KLHL18: variants seen among roughly 807,000 people sequenced by gnomAD.
The protein encoded by KLHL18 is kelch-like protein 18.
A neutral mutation model predicts 58.5 loss-of-function variants in KLHL18; 38 were observed. The observed-to-expected ratio is 0.65, with a 90% CI of 0.50 to 0.85. The LOEUF is 0.85. KLHL18 is among the 40% of genes least tolerant of loss of function. The pLI is 0.00. For missense variants in KLHL18, 624 were observed against 778.4 expected (o/e 0.80, Z 2.36); for synonymous variants, 303 against 301.9 (o/e 1.00, Z -0.04).
intron 2 of KLHL18, among the ~76,000 whole-genome samples, chr3:47,320,971 A>AG (rs1703571659): frequency 6.6e-6 from 1 of 152,158 alleles, no homozygotes; most frequent in Non-Finnish European, 1.5e-5. Context: ...CGTAGAAGTA[A>AG]GGTGTCCAAG....
At chr3:47,305,899 C>T (rs1703137308) in intron 1 of KLHL18, among the ~76,000 whole-genome samples, 4 of 152,030 alleles carry the variant, frequency 2.6e-5, no homozygotes, top group African/African-American at 7.2e-5. Context: ...TAGTATTCTC[C>T]TGTTATCATT....
At chr3:47,328,896 C>T (rs1008883129) in intron 3 of KLHL18, among the ~76,000 whole-genome samples, 3 of 151,868 alleles carry the variant, frequency 2.0e-5, no homozygotes, top group Admixed American at 6.6e-5. Context: ...TTTGGGAGGC[C>T]GAGGCAGGTG....
chr3:47,287,977 C>T (rs1395577032), intron 1 of KLHL18, among the ~76,000 whole-genome samples: 4 of 152,054 alleles, frequency 2.6e-5, no homozygotes, highest in South Asian at 2.1e-4. Context: ...GATCCCAGCA[C>T]TGTGGGAGGC....
At chr3:47,294,307 G>A (rs1702852081) in intron 1 of KLHL18, among the ~76,000 whole-genome samples, 1 of 152,182 alleles carries the variant, frequency 6.6e-6, no homozygotes, top group African/African-American at 2.4e-5. Context: ...GCCAAGTACT[G>A]TTCTAGGTGC....
intron 3 of KLHL18, among the ~76,000 whole-genome samples, chr3:47,329,043 C>T (rs764761011): frequency 5.3e-5 from 8 of 151,562 alleles, no homozygotes; most frequent in Non-Finnish European, 7.4e-5. Context: ...GCAGGAGGAT[C>T]GCTTGAGCCC....
Position 47,342,798 on chromosome 3 carries a change from G to A in KLHL18, c.1306G>A (p.Gly436Ser), listed in dbSNP as rs1169664354. 1.9e-6 allele frequency: 3 copies of A among 1,614,094 alleles called. No individual in the cohort carries two copies. The highest frequency in any genetic ancestry group is 2.5e-6 in the Non-Finnish European group (3 of 1,180,036). The change falls in exon 9 of 10, where the codon GGC becomes AGC. Residue 436 changes from glycine to serine, a missense_variant. Transcript: ENST00000232766. Reference sequence around the variant, plus strand: ...CTTTGAGGGCAGGATATATGTGTCAGGCGGCCATGATGGTTTGCAGATCTT... The same window carrying A: ...CTTTGAGGGCAGGATATATGTGTCAAGCGGCCATGATGGTTTGCAGATCTT... ...TVFEGRIYVS[G>S]GHDGLQIFSS...
At position 47,331,551 on chromosome 3, in the gene KLHL18, G is replaced by C. The variant is rs560944849; in HGVS notation, c.600+1402G>C. 2.0e-5 allele frequency among the ~76,000 whole-genome samples: 3 copies of C among 146,920 alleles called. No homozygotes were observed. The South Asian group carries it at 6.6e-4, about 32-fold the overall frequency. On this transcript the variant is annotated intron_variant, in intron 4 of 9. Coordinates refer to ENST00000232766, the MANE Select transcript of KLHL18 (RefSeq NM_025010.5). Reference sequence around the variant, plus strand: ...AGGTTCAAGCATTTCTCCTGCCTCAGCTTCCCAAGTAGCTGGGATTACAGG... The same window carrying C: ...AGGTTCAAGCATTTCTCCTGCCTCACCTTCCCAAGTAGCTGGGATTACAGG...
chr3:47,282,953 G>A lies in KLHL18; in HGVS notation c.-13G>A, dbSNP rs41290660. Reference sequence around the variant, plus strand: ...GGCCGGCGAGGCCTGCGCAGTTGCAGCGGCCGGGGAAGATGGTGGAGGACG... The same window carrying A: ...GGCCGGCGAGGCCTGCGCAGTTGCAACGGCCGGGGAAGATGGTGGAGGACG... On this transcript the variant is annotated 5_prime_UTR_variant, in exon 1 of 10. Coordinates refer to ENST00000232766, the MANE Select transcript of KLHL18 (RefSeq NM_025010.5). The A allele has an allele frequency of 6.2e-7, 1 of 1,606,408 alleles. No homozygotes were observed. The highest frequency in any genetic ancestry group is 8.5e-7 in the Non-Finnish European group (1 of 1,177,126).
intron 1 of KLHL18, among the ~76,000 whole-genome samples, chr3:47,290,958 G>A (rs984518655): frequency 6.6e-6 from 1 of 152,222 alleles, no homozygotes; most frequent in African/African-American, 2.4e-5. Context: ...TGACATGTGG[G>A]TGGGGAAAGA....
chr3:47,295,661 G>T (rs569383974), intron 1 of KLHL18, among the ~76,000 whole-genome samples: 12 of 151,658 alleles, frequency 7.9e-5, no homozygotes, highest in African/African-American at 2.7e-4. Flanking sequence ...TCGAATTCCT[G>T]GGCTCAAGTG....
intron 1 of KLHL18, among the ~76,000 whole-genome samples, chr3:47,289,592 AG>A (rs764411666): frequency 5.9e-5 from 9 of 152,188 alleles, no homozygotes; most frequent in Non-Finnish European, 1.2e-4. Flanking sequence ...TGAGTTACAC[AG>A]GGTTAATTAT....
At chr3:47,319,369 G>A (rs1007945069) in intron 1 of KLHL18, among the ~76,000 whole-genome samples, 5 of 152,214 alleles carry the variant, frequency 3.3e-5, no homozygotes, top group South Asian at 2.1e-4. Flanking sequence ...AAGTAAAAAC[G>A]ATTACATGAA....
intron 1 of KLHL18, among the ~76,000 whole-genome samples, chr3:47,309,711 T>C (rs932378451): frequency 6.6e-6 from 1 of 152,160 alleles, no homozygotes; most frequent in African/African-American, 2.4e-5. Context: ...CTGGGCAACA[T>C]TGAGCACTGA....
chr3:47,339,266 G>A (rs1490523212), intron 7 of KLHL18, among the ~76,000 whole-genome samples: 5 of 151,958 alleles, frequency 3.3e-5, no homozygotes, highest in Non-Finnish European at 5.9e-5. Flanking sequence ...AGGCTAAGGC[G>A]GGAGGATTGC....
chr3:47,295,652 C>T (rs1156885191), intron 1 of KLHL18, among the ~76,000 whole-genome samples: 2 of 151,976 alleles, frequency 1.3e-5, no homozygotes, highest in Non-Finnish European at 2.9e-5. Context: ...ATTGTAACCT[C>T]GAATTCCTGG....
chr3:47,285,483 A>C (rs529915757), intron 1 of KLHL18, among the ~76,000 whole-genome samples: 1 of 151,568 alleles, frequency 6.6e-6, no homozygotes, highest in Non-Finnish European at 1.5e-5. Flanking sequence ...TTGGAAGGCC[A>C]AGGCGAGTGG....
chr3:47,334,914 T>G lies in KLHL18; in HGVS notation c.898+95T>G. ...GCCTGGCCCTTCTGGTTTCTCTGTTTTGTACTGTCACCACCCTTGCCCCTC... is the reference window on the plus strand; with the variant it reads ...GCCTGGCCCTTCTGGTTTCTCTGTTGTGTACTGTCACCACCCTTGCCCCTC... On this transcript the variant is annotated intron_variant, in intron 6 of 9. Coordinates refer to ENST00000232766, the MANE Select transcript of KLHL18 (RefSeq NM_025010.5). This position sits in a 1 kb window ranked among gnomAD's most constrained non-coding sequence, Gnocchi z 4.7. 7.6e-7 allele frequency: 1 copy of G among 1,321,004 alleles called. No individual in the cohort carries two copies. The highest frequency in any genetic ancestry group is 1.0e-6 in the Non-Finnish European group (1 of 954,988). 81.8% of individuals were successfully genotyped at this position (1,321,004 alleles called of 1,614,324 possible). A position where few individuals can be genotyped will look rare whatever the true frequency, so the allele number is the denominator to read the frequency against.
chr3:47,291,793 A>G (rs1463137652), intron 1 of KLHL18, among the ~76,000 whole-genome samples: 1 of 152,262 alleles, frequency 6.6e-6, no homozygotes, highest in Admixed American at 6.5e-5. Context: ...AATGAACCGG[A>G]AGTGAAAAAA....
intron 1 of KLHL18, among the ~76,000 whole-genome samples, chr3:47,312,599 G>T (rs1703327487): frequency 6.6e-6 from 1 of 152,150 alleles, no homozygotes; most frequent in African/African-American, 2.4e-5. Context: ...GCATGGGCCT[G>T]TGTAATTCTA....
Sources: gnomAD v4.1 joint callset for allele counts (sites outside exome capture counted in the v4.1 genomes callset) on GRCh38, gnomAD v4.1.1 for gene constraint, Gnocchi (gnomAD v3.1) non-coding constraint, MANE v1.5 for transcripts, NCBI Gene and HGNC (gene_info 2026-07-23, HGNC 2026-07-21) for gene names.